IREB2: variants seen among roughly 807,000 people sequenced by gnomAD.
IREB2 encodes iron-responsive element-binding protein 2.
IREB2 carries 39 observed loss-of-function variants against 118.8 expected under a neutral mutation model. That is an observed-to-expected ratio of 0.33 (90% confidence interval 0.25 to 0.43). The LOEUF is 0.43. IREB2 is among the 20% of genes least tolerant of loss of function. IREB2 has a pLI of 1.00. For missense variants in IREB2, 900 were observed against 1,147.3 expected (o/e 0.78, Z 3.11); for synonymous variants, 372 against 392.2 (o/e 0.95, Z 0.61).
intron 10 of IREB2, among the ~76,000 whole-genome samples, chr15:78,482,166 G>A (rs927322185): frequency 3.9e-5 from 6 of 152,166 alleles, no homozygotes; most frequent in Non-Finnish European, 5.9e-5. Context: ...GGAGGTTGAG[G>A]CTGCATTTAG....
intron 14 of IREB2, 96 bp from the exon 15 acceptor site, chr15:78,488,084 C>T: frequency 1.2e-5 from 14 of 1,183,766 alleles, no homozygotes; most frequent in Middle Eastern, 2.0e-4. Flanking sequence ...TGGTTAATCT[C>T]GCCCTCAGAC....
intron 5 of IREB2, among the ~76,000 whole-genome samples, chr15:78,468,370 A>G (rs1464817784): frequency 1.3e-5 from 2 of 151,992 alleles, no homozygotes; most frequent in African/African-American, 4.8e-5. Flanking sequence ...CAGCCTCCAG[A>G]GTAGCTGGGA....
chr15:78,488,616 A>G (rs2051698578), intron 15 of IREB2, 31 bp from the exon 16 acceptor site: 1 of 1,566,982 alleles, frequency 6.4e-7, no homozygotes, highest in African/African-American at 1.4e-5. Flanking sequence ...TTATTTTTTT[A>G]CTGAGTATCA....
At chr15:78,487,178 C>G (rs180753200) in intron 13 of IREB2, among the ~76,000 whole-genome samples, 11 of 65,142 alleles carry the variant, frequency 1.7e-4, no homozygotes, top group Admixed American at 4.5e-4. Flanking sequence ...TTACTCCTAT[C>G]AGAGTGCCCA....
At chr15:78,455,242 TGAA>T (rs1181028345) in intron 2 of IREB2, among the ~76,000 whole-genome samples, 1 of 152,110 alleles carries the variant, frequency 6.6e-6, no homozygotes, top group African/African-American at 2.4e-5. Context: ...CCCACAGTAT[TGAA>T]GAACAGATGT....
intron 2 of IREB2, among the ~76,000 whole-genome samples, chr15:78,460,631 G>A (rs914634211): frequency 1.3e-5 from 2 of 152,150 alleles, no homozygotes; most frequent in African/African-American, 2.4e-5. Flanking sequence ...GTTCTGTTGT[G>A]TGTGTTTAGG....
At position 78,484,808 on chromosome 15, in the gene IREB2, T is replaced by C. The variant is rs764998193; in HGVS notation, c.1461T>C (p.Ile487=). The C allele has an allele frequency of 6.2e-7, 1 of 1,613,572 alleles. No individual in the cohort carries two copies. The highest frequency in any genetic ancestry group is 8.5e-7 in the Non-Finnish European group (1 of 1,179,764). The change falls in exon 12 of 22, where the codon ATT becomes ATC. Residue 487 remains isoleucine, a synonymous_variant. Coordinates refer to ENST00000258886, the MANE Select transcript of IREB2 (RefSeq NM_004136.4). ...TTGCAGCTGAAAAACAAAAGGATAT[T>C]GTCTCCATTCATTATGAAGGAAGTG... The part of the protein sequence containing the change: ...FQIAAEKQKD[I]VSIHYEGSEY...
chr15:78,483,274 GAATT>G (rs752488854), intron 10 of IREB2, 40 bp from the exon 11 acceptor site: 1 of 910,024 alleles, frequency 1.1e-6, no homozygotes, highest in Non-Finnish European at 1.8e-6. Flanking sequence ...CTGTCGTAAG[GAATT>G]AATTCTAATT....
intron 4 of IREB2, among the ~76,000 whole-genome samples, chr15:78,466,066 A>G (rs1159250535): frequency 3.3e-5 from 5 of 152,136 alleles, no homozygotes; most frequent in Non-Finnish European, 2.9e-5. Context: ...TTCTGTTTTC[A>G]TTTCTGTAAA....
At chr15:78,438,659 G>C (rs1454317248) in intron 1 of IREB2, 2 of 477,980 alleles carry the variant, frequency 4.2e-6, no homozygotes, top group Non-Finnish European at 7.6e-6. Context: ...CCTGGCCCCC[G>C]TCAGCAACAC....
chr15:78,495,750 T>C (rs2051828657), intron 20 of IREB2, among the ~76,000 whole-genome samples: 1 of 151,992 alleles, frequency 6.6e-6, no homozygotes, highest in South Asian at 2.1e-4. Context: ...CCTCAGGTGG[T>C]AAAAAAAATT....
chr15:78,498,755 C>T lies in IREB2; in HGVS notation c.*612C>T, dbSNP rs889819154. ...CATTCTGTCCAATCCAGCCAAGGTTCCCTCCACATATGAAGATGGACCATG... is the reference window on the plus strand; with the variant it reads ...CATTCTGTCCAATCCAGCCAAGGTTTCCTCCACATATGAAGATGGACCATG... On this transcript the variant is annotated 3_prime_UTR_variant, in exon 22 of 22. Coordinates refer to ENST00000258886, the MANE Select transcript of IREB2 (RefSeq NM_004136.4). 1 of 152,298 alleles carries T rather than the reference C, an allele frequency of 6.6e-6. No individual in the cohort carries two copies. The highest frequency in any genetic ancestry group is 1.5e-5 in the Non-Finnish European group (1 of 68,074). The allele number at this position is 152,298 out of a possible 1,614,324, so 9.4% of individuals were successfully genotyped here. A position where few individuals can be genotyped will look rare whatever the true frequency, so the allele number is the denominator to read the frequency against.
chr15:78,451,610 C>T (rs113176981), intron 2 of IREB2, among the ~76,000 whole-genome samples: 11 of 152,140 alleles, frequency 7.2e-5, no homozygotes, highest in African/African-American at 2.7e-4. Flanking sequence ...TTGAGTATCC[C>T]TAATCTGAAA....
chr15:78,497,282 C>T lies in IREB2; in HGVS notation c.2752C>T (p.Leu918=). ...ETFSLTFPEE[L]SPGITLNIQT... ...ATTTTCTTTAACATTTCCTGAAGAA[C>T]TGTCTCCTGGAATTACATTGAATAT... The change falls in exon 21 of 22, where the codon CTG becomes TTG. Residue 918 remains leucine (L), a synonymous_variant. Transcript: ENST00000258886. The T allele has an allele frequency of 6.2e-7, 1 of 1,613,482 alleles. No individual in the cohort carries two copies. The highest frequency in any genetic ancestry group is 8.5e-7 in the Non-Finnish European group (1 of 1,179,460).
In IREB2 at chr15:78,487,790, A is replaced by C. The variant is rs780525632; in HGVS notation, c.1767A>C (p.Ser589=). 6.2e-7 allele frequency: 1 copy of C among 1,606,630 alleles called. No individual in the cohort carries two copies. The highest frequency in any genetic ancestry group is 2.2e-5 in the East Asian group (1 of 44,802). Residue 589 remains serine, a synonymous_variant, in exon 14 of 22, where the codon TCA becomes TCC. Coordinates refer to ENST00000258886, the MANE Select transcript of IREB2 (RefSeq NM_004136.4). The part of the protein sequence containing the change: ...SICVGNTAPL[S]DAVLNAVKQG... ...GTGTGGGAAATACAGCACCCTTATC[A>C]GACGCAGTTTTAAATGCAGTAAAAC...
chr15:78,471,859 C>T lies in IREB2; in HGVS notation c.818C>T (p.Pro273Leu). ...TTTGAAGAAAAAGACCTCCTCTTCC[C>T]AGACAGTGTAGTCGGCACAGATTCA... is the stretch of plus-strand genomic sequence containing the variant. Reference protein sequence around the residue: ...VVFEEKDLLFPDSVVGTDSHI... With the variant: ...VVFEEKDLLFLDSVVGTDSHI... The change falls in exon 7 of 22, where the codon CCA becomes CTA. Residue 273 changes from proline to leucine, a missense_variant. By Grantham distance (98) the Pro-to-Leu change is moderately conservative (BLOSUM62 -3). Coordinates refer to ENST00000258886, the MANE Select transcript of IREB2 (RefSeq NM_004136.4). 1 of 1,613,592 alleles carries T rather than the reference C, an allele frequency of 6.2e-7. No homozygotes were observed. The highest frequency in any genetic ancestry group is 8.5e-7 in the Non-Finnish European group (1 of 1,179,730).
In IREB2 at chr15:78,483,567, T is replaced by C. The variant is rs543353782; in HGVS notation, c.1413+133T>C. On this transcript the variant is annotated intron_variant, in intron 11 of 21. Transcript: ENST00000258886. Reference sequence around the variant, plus strand: ...ATGGCACACACCAGCAGCCCCCTTATTTTCCTTCTGTCTAATGTGCAAGTC... The same window carrying C: ...ATGGCACACACCAGCAGCCCCCTTACTTTCCTTCTGTCTAATGTGCAAGTC... 2.0e-3 allele frequency: 1,156 copies of C among 577,334 alleles called. 2 individuals are homozygous for C. Among genetic ancestry groups the C allele is most frequent in the Non-Finnish European group, 2.9e-3 (939 of 319,760 alleles). The allele number at this position is 577,334 out of a possible 1,614,324, so 35.8% of individuals were successfully genotyped here. A position where few individuals can be genotyped will look rare whatever the true frequency, so the allele number is the denominator to read the frequency against.
At chr15:78,484,114 C>T (rs16969894) in intron 11 of IREB2, among the ~76,000 whole-genome samples, 33,676 of 151,610 alleles carry the variant, frequency 0.22, 4,055 homozygotes, top group South Asian at 0.36. Context: ...TAAATGTGAC[C>T]GAGTAGCAAG....
rs2051905437 is a variant in IREB2 at position 78,499,632 on chromosome 15, C to T, written c.*1489C>T. On this transcript the variant is annotated 3_prime_UTR_variant, in exon 22 of 22. Coordinates refer to ENST00000258886, the MANE Select transcript of IREB2 (RefSeq NM_004136.4). ...GACAATAAGATGGACTAGAGTTCGA[C>T]AAAATGATTTCTTTATTTAAATTTT... 1 of 152,188 alleles carries T rather than the reference C, an allele frequency of 6.6e-6. No individual in the cohort carries two copies. The highest frequency in any genetic ancestry group is 1.5e-5 in the Non-Finnish European group (1 of 68,040). 9.4% of individuals were successfully genotyped at this position (152,188 alleles called of 1,614,324 possible).
Sources: allele counts gnomAD v4.1 joint callset (sites outside exome capture counted in the v4.1 genomes callset), GRCh38; gene constraint gnomAD v4.1.1; transcripts MANE v1.5; gene names NCBI Gene and HGNC (gene_info 2026-07-23, HGNC 2026-07-21).